Variants in MLLT3 observed in about 807,000 individuals in gnomAD.
MLLT3 encodes MLLT3 super elongation complex subunit, also known as protein AF-9.
Under a neutral mutation model 53.2 loss-of-function variants are expected in MLLT3, and 4 were observed. That is an observed-to-expected ratio of 0.08 (90% confidence interval 0.04 to 0.17). The LOEUF (loss-of-function observed/expected upper bound fraction) is 0.17. Among genes scored for constraint, MLLT3 ranks in the 10% least tolerant of loss-of-function variants. The pLI is 1.00. For missense variants in MLLT3, 569 were observed against 684.0 expected (o/e 0.83, Z 1.87); for synonymous variants, 283 against 230.6 (o/e 1.23, Z -2.06).
intron 2 of MLLT3, among the ~76,000 whole-genome samples, chr9:20,556,709 T>C (rs1819066435): frequency 6.6e-6 from 1 of 151,008 alleles, no homozygotes; most frequent in Admixed American, 6.6e-5. Context: ...TAAATAAAAG[T>C]TGGGGGAGAA....
chr9:20,593,652 T>G (rs2131189067), intron 2 of MLLT3, among the ~76,000 whole-genome samples: 1 of 152,314 alleles, frequency 6.6e-6, no homozygotes, highest in Admixed American at 6.5e-5. Context: ...CAATTTAAAC[T>G]AACTCTGCTT....
intron 4 of MLLT3, among the ~76,000 whole-genome samples, chr9:20,446,841 A>G (rs2118844581): frequency 6.6e-6 from 1 of 152,320 alleles, no homozygotes; most frequent in Non-Finnish European, 1.5e-5. Context: ...GTGTTACAAA[A>G]ATAAATACAT....
At chr9:20,477,106 T>A (rs1824540165) in intron 2 of MLLT3, among the ~76,000 whole-genome samples, 1 of 151,842 alleles carries the variant, frequency 6.6e-6, no homozygotes, top group Admixed American at 6.6e-5. Flanking sequence ...GTGGGATGAA[T>A]GTCGGAGGGA....
chr9:20,396,457 C>T (rs1822323683), intron 5 of MLLT3, among the ~76,000 whole-genome samples: 1 of 152,128 alleles, frequency 6.6e-6, no homozygotes, highest in Non-Finnish European at 1.5e-5. Flanking sequence ...TATTTTGCCC[C>T]AGATCACAGA....
chr9:20,590,701 C>G (rs1489135427), intron 2 of MLLT3, among the ~76,000 whole-genome samples: 1 of 152,136 alleles, frequency 6.6e-6, no homozygotes, highest in Non-Finnish European at 1.5e-5. Context: ...GGCAGTTCTT[C>G]ATAGCAGTGT....
chr9:20,543,180 C>T (rs921293350), intron 2 of MLLT3, among the ~76,000 whole-genome samples: 10 of 152,168 alleles, frequency 6.6e-5, no homozygotes, highest in South Asian at 4.1e-4. Context: ...TCTTAACATT[C>T]GACTGTTCAC....
rs1820752153 is a variant in MLLT3, at chr9:20,342,214, A to G, written c.*4229T>C. The G allele has an allele frequency of 9.1e-6, 2 of 220,518 alleles. No individual in the cohort carries two copies. Among genetic ancestry groups the G allele is most frequent in the African/African-American group, 2.2e-5 (1 of 44,726 alleles). 13.7% of individuals were successfully genotyped at this position (220,518 alleles called of 1,614,324 possible). A position where few individuals can be genotyped will look rare whatever the true frequency, so the allele number is the denominator to read the frequency against. ...TACATTTTAAAAAAGGTGCTGAAAC[A>G]GATTATATGAGTTTAAGTAAAACAC... On this transcript the variant is annotated 3_prime_UTR_variant, in exon 11 of 11. Transcript: ENST00000380338.
chr9:20,364,316 G>GA (rs955095977), intron 6 of MLLT3, among the ~76,000 whole-genome samples: 41 of 151,600 alleles, frequency 2.7e-4, no homozygotes, highest in East Asian at 1.4e-3. Flanking sequence ...ACAGGAAAAA[G>GA]AAAAAAAATC....
intron 4 of MLLT3, among the ~76,000 whole-genome samples, chr9:20,416,052 A>G (rs1822863135): frequency 6.6e-6 from 1 of 151,970 alleles, no homozygotes; most frequent in Admixed American, 6.5e-5. Context: ...CTGAGATTTA[A>G]AAGGAAAATT....
At chr9:20,494,324 A>AT (rs1554630731) in intron 2 of MLLT3, among the ~76,000 whole-genome samples, 17 of 152,102 alleles carry the variant, frequency 1.1e-4, no homozygotes, top group African/African-American at 4.1e-4. Flanking sequence ...ACCATTCTTC[A>AT]GGGGAGAAGA....
At chr9:20,367,747 T>C (rs1821495907) in intron 5 of MLLT3, among the ~76,000 whole-genome samples, 1 of 152,168 alleles carries the variant, frequency 6.6e-6, no homozygotes, top group African/African-American at 2.4e-5. Flanking sequence ...GAACAAATCT[T>C]TTTAATTCAA....
rs1026696049 is a variant in MLLT3, at chr9:20,343,758, AT to A, written c.*2684del. 3 of 214,578 alleles carry A rather than the reference AT, an allele frequency of 1.4e-5. No individual in the cohort carries two copies. The highest frequency in any genetic ancestry group is 6.8e-5 in the African/African-American group (3 of 44,304). 13.3% of individuals were successfully genotyped at this position (214,578 alleles called of 1,614,324 possible). A position where few individuals can be genotyped will look rare whatever the true frequency, so the allele number is the denominator to read the frequency against. On this transcript the variant is annotated 3_prime_UTR_variant, in exon 11 of 11. Transcript: ENST00000380338. ...TACACCAAAGAAATTAAACCCTGCC[AT>A]TTTCCCTTTGTGCTTAAGAAACCAG...
intron 5 of MLLT3, among the ~76,000 whole-genome samples, chr9:20,367,178 C>T (rs564955359): frequency 4.6e-5 from 7 of 151,972 alleles, no homozygotes; most frequent in Non-Finnish European, 7.4e-5. Flanking sequence ...CAATCTCTTA[C>T]GCTCTATGAA....
At chr9:20,537,458 C>T (rs969759677) in intron 2 of MLLT3, among the ~76,000 whole-genome samples, 1 of 152,046 alleles carries the variant, frequency 6.6e-6, no homozygotes, top group Non-Finnish European at 1.5e-5. Context: ...ATTATCTCAC[C>T]TTCATAAACA....
At chr9:20,393,753 A>C (rs1822250565) in intron 5 of MLLT3, among the ~76,000 whole-genome samples, 1 of 152,188 alleles carries the variant, frequency 6.6e-6, no homozygotes, top group Admixed American at 6.5e-5. Context: ...TTATGTAGTA[A>C]TTAGTCATGC....
intron 2 of MLLT3, among the ~76,000 whole-genome samples, chr9:20,469,551 AAGG>A (rs1217121721): frequency 9.9e-5 from 15 of 152,066 alleles, no homozygotes; most frequent in Non-Finnish European, 1.5e-5. Flanking sequence ...TGCCCTATTC[AAGG>A]AGATGAAACA....
rs71510721 is a variant in MLLT3 at position 20,344,171 on chromosome 9, T to C, written c.*2272A>G. 20 of 196,050 alleles carry C rather than the reference T, an allele frequency of 1.0e-4. No individual in the cohort carries two copies. Among genetic ancestry groups the C allele is most frequent in the South Asian group, 3.8e-4 (2 of 5,232 alleles). The allele number at this position is 196,050 out of a possible 1,614,324, so 12.1% of individuals were successfully genotyped here. A position where few individuals can be genotyped will look rare whatever the true frequency, so the allele number is the denominator to read the frequency against. ...GCTGTCCTTCTTATCATTATTTTTG[T>C]TTGGTCATTTCTTATCTTACCTAGC... On this transcript the variant is annotated 3_prime_UTR_variant, in exon 11 of 11. Transcript: ENST00000380338.
At chr9:20,450,605 T>C (rs1318954194) in intron 3 of MLLT3, among the ~76,000 whole-genome samples, 2 of 152,144 alleles carry the variant, frequency 1.3e-5, no homozygotes, top group Non-Finnish European at 2.9e-5. Flanking sequence ...ACACCTGAAA[T>C]GTCCTCCCTC....
intron 2 of MLLT3, among the ~76,000 whole-genome samples, chr9:20,600,145 C>CA (rs11446057): frequency 0.8 from 116,310 of 145,554 alleles, 46,532 homozygotes; most frequent in Middle Eastern, 0.88. Flanking sequence ...AAACAAAAAA[C>CA]AAAAAAAAAA....
Sources: allele counts gnomAD v4.1 joint callset (sites outside exome capture counted in the v4.1 genomes callset), GRCh38; gene constraint gnomAD v4.1.1; transcripts MANE v1.5; gene names NCBI Gene and HGNC (gene_info 2026-07-23, HGNC 2026-07-21).